The following FAHD1 variants were observed in gnomAD, a reference collection of about 807,000 sequenced individuals.
FAHD1 encodes the protein FAH domain containing oxaloacetate decarboxylase 1, also known as oxaloacetate tautomerase FAHD1, mitochondrial.
A neutral mutation model predicts 12.7 loss-of-function variants in FAHD1; 14 were observed. That is an observed-to-expected ratio of 1.10 (90% CI 0.73 to 1.72). The LOEUF is 1.72. Ranked by LOEUF, FAHD1 falls within the 40% of genes most tolerant of loss-of-function variation. The pLI, the probability that FAHD1 is intolerant of heterozygous loss-of-function variation, is 0.00. For synonymous variants in FAHD1, 153 were observed against 124.9 expected, an observed-to-expected ratio of 1.22 and a Z score of -1.50; for missense variants, 351 against 298.9, an observed-to-expected ratio of 1.17 and a Z score of -1.29.
intron 2 of FAHD1, among the ~76,000 whole-genome samples, chr16:1,838,649 C>T (rs947935778): frequency 2.6e-5 from 4 of 152,018 alleles, no homozygotes; most frequent in African/African-American, 9.7e-5. Flanking sequence ...TTTTACCCAT[C>T]GTTACTTGAC....
intron 1 of FAHD1, chr16:1,837,625 G>T: frequency 2.1e-6 from 1 of 479,204 alleles, no homozygotes; most frequent in Non-Finnish European, 3.8e-6. Context: ...AAAACCCCTG[G>T]CTATTTCCTT....
chr16:1,832,198 C>G (rs968742764), downstream of FAHD1, among the ~76,000 whole-genome samples: 1 of 3,436 alleles, frequency 2.9e-4, no homozygotes, highest in Non-Finnish European at 1.3e-3. Context: ...TTTTTTGAGA[C>G]AAAGTCTTGC....
downstream of FAHD1, among the ~76,000 whole-genome samples, chr16:1,830,681 T>G (rs1256366277): frequency 1.3e-5 from 2 of 152,124 alleles, no homozygotes; most frequent in East Asian, 3.9e-4. Context: ...AGTCCGACAA[T>G]TCCTGATATT....
At chr16:1,831,854 A>G (rs574545096), downstream of FAHD1, among the ~76,000 whole-genome samples, 1 of 152,260 alleles carries the variant, frequency 6.6e-6, no homozygotes, top group African/African-American at 2.4e-5. Context: ...ATGAGTATCT[A>G]ATGCCTGGAT....
At chr16:1,829,879 T>TTTTTTTTA (rs1324205030), downstream of FAHD1, among the ~76,000 whole-genome samples, 1 of 152,126 alleles carries the variant, frequency 6.6e-6, no homozygotes. Context: ...TTTTTTCTTT[T>TTTTTTTTA]TGAGATGGCG....
At chr16:1,839,585 C>G in exon 3 of FAHD1, 1 of 665,084 alleles carries the variant, frequency 1.5e-6, no homozygotes, top group Non-Finnish European at 2.4e-6. Context: ...ACAAGACAGT[C>G]GTAAAAAACA....
intron 2 of FAHD1, among the ~76,000 whole-genome samples, chr16:1,839,101 A>G (rs1409149265): frequency 1.3e-5 from 2 of 152,206 alleles, no homozygotes; most frequent in African/African-American, 4.8e-5. Context: ...TTGTTCATCA[A>G]AGCAATGTGT....
exon 3 of FAHD1, chr16:1,839,729 CTCCCTTCTCGTA>C (rs1447780205): frequency 6.4e-6 from 2 of 313,576 alleles, no homozygotes; most frequent in Non-Finnish European, 1.2e-5. Context: ...TGCTGGGGCC[CTCCCTTCTCGTA>C]TCCCAGCCTG....
At chr16:1,833,035 T>TC (rs1209594634), downstream of FAHD1, among the ~76,000 whole-genome samples, 1 of 152,174 alleles carries the variant, frequency 6.6e-6, no homozygotes, top group Non-Finnish European at 1.5e-5. Flanking sequence ...TCCTTTTTTT[T>TC]CAATCCTGTG....
At chr16:1,838,545 C>T (rs1446218286) in intron 2 of FAHD1, among the ~76,000 whole-genome samples, 2 of 152,096 alleles carry the variant, frequency 1.3e-5, no homozygotes, top group Non-Finnish European at 2.9e-5. Flanking sequence ...AAGGAGAAAA[C>T]GTGTAGCTGA....
At chr16:1,829,172 G>T (rs1898578813), downstream of FAHD1, among the ~76,000 whole-genome samples, 1 of 152,198 alleles carries the variant, frequency 6.6e-6, no homozygotes, top group Admixed American at 6.5e-5. Flanking sequence ...AGCTGTCAAT[G>T]CCTGGAGGAG....
chr16:1,828,019 C>A, exon 1 of FAHD1: 1 of 1,484,366 alleles, frequency 6.7e-7, no homozygotes, highest in Non-Finnish European at 8.9e-7. Flanking sequence ...CGGTGGCTCA[C>A]GCCTGTAATC....
At chr16:1,828,908 TAAGTGGCTTAC>T (rs959315487) in exon 1 of FAHD1, 9 of 1,000,210 alleles carry the variant, frequency 9.0e-6, no homozygotes, top group African/African-American at 1.4e-4. Context: ...TGCTCCCTTC[TAAGTGGCTTAC>T]AAGGGTAATT....
downstream of FAHD1, among the ~76,000 whole-genome samples, chr16:1,831,905 C>A (rs148897534): frequency 1.4e-3 from 209 of 152,266 alleles, no homozygotes; most frequent in African/African-American, 4.7e-3. Flanking sequence ...TCCCCGCCCC[C>A]CGACCCGGCA....
intron 1 of FAHD1, chr16:1,837,950 C>T (rs1898793132): frequency 2.8e-6 from 4 of 1,448,476 alleles, no homozygotes; most frequent in South Asian, 2.9e-5. Flanking sequence ...GTGAAACAAA[C>T]TTTCTCATTA....
downstream of FAHD1, among the ~76,000 whole-genome samples, chr16:1,829,360 C>G (rs935617527): frequency 2.0e-5 from 3 of 152,112 alleles, no homozygotes; most frequent in African/African-American, 7.2e-5. Flanking sequence ...AGCAACCAAG[C>G]CATAAGCTTA....
At chr16:1,829,519 G>C (rs979854893), downstream of FAHD1, among the ~76,000 whole-genome samples, 2 of 152,158 alleles carry the variant, frequency 1.3e-5, no homozygotes, top group Admixed American at 1.3e-4. Flanking sequence ...AATGCAGGCT[G>C]CATCTTGTAA....
downstream of FAHD1, among the ~76,000 whole-genome samples, chr16:1,831,232 C>T (rs758985007): frequency 6.6e-6 from 1 of 152,096 alleles, no homozygotes; most frequent in Non-Finnish European, 1.5e-5. Flanking sequence ...AGTACAGGTA[C>T]CCCTTTTTAA....
chr16:1,839,575 A>G (rs1041920436), exon 3 of FAHD1: 1 of 724,286 alleles, frequency 1.4e-6, no homozygotes, highest in African/African-American at 1.8e-5. Flanking sequence ...TATGCGGTCT[A>G]CAAGACAGTC....
Sources: gnomAD v4.1 joint callset for allele counts (sites outside exome capture counted in the v4.1 genomes callset) on GRCh38, gnomAD v4.1.1 for gene constraint, MANE v1.5 for transcripts, NCBI Gene and HGNC (gene_info 2026-07-23, HGNC 2026-07-21) for gene names.